The following TMED10 variants were observed in gnomAD, a reference collection of about 807,000 sequenced individuals.
TMED10 encodes transmembrane emp24 domain-containing protein 10.
A neutral mutation model predicts 23.1 loss-of-function variants in TMED10; 7 were observed. The ratio of observed to expected loss-of-function variants is 0.30; its 90% CI spans 0.17 to 0.57. TMED10 has a LOEUF of 0.57. Among genes scored for constraint, TMED10 ranks in the 20% least tolerant of loss-of-function variants. TMED10 has a pLI of 0.91. For synonymous variants in TMED10, 113 were observed against 106.9 expected (o/e 1.06, Z -0.35); for missense variants, 162 against 274.8 (o/e 0.59, Z 2.90).
intron 3 of TMED10, among the ~76,000 whole-genome samples, chr14:75,138,775 T>A (rs1433083505): frequency 6.6e-6 from 1 of 151,202 alleles, no homozygotes; most frequent in Non-Finnish European, 1.5e-5. Flanking sequence ...AAAAAAAAAA[T>A]TACTTTAAAG....
intron 1 of TMED10, among the ~76,000 whole-genome samples, chr14:75,154,609 A>C (rs917835478): frequency 6.6e-6 from 1 of 151,964 alleles, no homozygotes; most frequent in Non-Finnish European, 1.5e-5. Context: ...AGTATTAGTC[A>C]ACTGTCTTCT....
At chr14:75,156,804 C>T (rs1338655440) in intron 1 of TMED10, among the ~76,000 whole-genome samples, 6 of 151,918 alleles carry the variant, frequency 3.9e-5, no homozygotes, top group African/African-American at 1.5e-4. Flanking sequence ...TGATGCGTGC[C>T]TGTAGTCCCA....
In TMED10 at chr14:75,158,888, C is replaced by T. The variant is rs544850073; in HGVS notation, c.226-6745G>A. The stretch of plus-strand genomic sequence containing the variant: ...GTGGTGAGTCGCGATCGCACCATTG[C>T]GCTCTAGCCTGGGCAACAAGAGTGA... On this transcript the variant is annotated intron_variant, in intron 1 of 4. Coordinates refer to ENST00000303575, the MANE Select transcript of TMED10 (RefSeq NM_006827.6). 1.1e-4 allele frequency among the ~76,000 whole-genome samples: 16 copies of T among 152,154 alleles called. No homozygotes were observed. The South Asian group carries it at 1.7e-3, about 16-fold the overall frequency.
At position 75,131,595 on chromosome 14, in the gene TMED10, G is replaced by A. The variant is rs947809183; in HGVS notation, c.*3290C>T. 6.6e-5 allele frequency: 10 copies of A among 152,442 alleles called. No homozygotes were observed. The highest frequency in any genetic ancestry group is 2.4e-4 in the African/African-American group (10 of 41,388). The allele number at this position is 152,442 out of a possible 1,614,324, so 9.4% of individuals were successfully genotyped here. A position where few individuals can be genotyped will look rare whatever the true frequency, so the allele number is the denominator to read the frequency against. On this transcript the variant is annotated 3_prime_UTR_variant, in exon 5 of 5. Transcript: ENST00000303575. ...AACCAAGAAATGGCTTTATGACAGG[G>A]GTCCATGACAATGGTATAACAAGGC...
intron 3 of TMED10, among the ~76,000 whole-genome samples, chr14:75,145,769 C>T (rs141700841): frequency 0.04 from 6,122 of 152,054 alleles, 310 homozygotes; most frequent in African/African-American, 0.12. Flanking sequence ...CCTGGGCAAC[C>T]AAGCGAGACT....
In TMED10 at chr14:75,164,565, ATATATATATATATTTTTTTT is replaced by A. The variant is rs1896133537; in HGVS notation, c.225+11770_225+11789del. On this transcript the variant is annotated intron_variant, in intron 1 of 4. Coordinates refer to ENST00000303575, the MANE Select transcript of TMED10 (RefSeq NM_006827.6). ...TATATATATATATATATATATATAT[ATATATATATATATTTTTTTT>A]TTTTTTTTTGTATTTTTAGAAGAGG... Among the ~76,000 whole-genome samples, 7 of 2,334 alleles carry A rather than the reference ATATATATATATATTTTTTTT, an allele frequency of 3.0e-3. No individual in the cohort carries two copies. The South Asian group carries it at 0.11, about 38-fold the overall frequency. The allele number at this position is 2,334 out of a possible 152,430, so 1.5% of individuals were successfully genotyped here. A position where few individuals can be genotyped will look rare whatever the true frequency, so the allele number is the denominator to read the frequency against.
chr14:75,176,139 C>G lies in TMED10; in HGVS notation c.225+216G>C, dbSNP rs1057092102. 1.2e-5 allele frequency: 7 copies of G among 607,140 alleles called. No homozygotes were observed. In the African/African-American group the frequency reaches 1.3e-4, roughly 11 times the overall value. The allele number at this position is 607,140 out of a possible 1,614,324, so 37.6% of individuals were successfully genotyped here. ...TGTCACCACATCCGCCAAAGCCTCG[C>G]AGCCCTTCTTGGGGTTCCCAGGCGT... On this transcript the variant is annotated intron_variant, in intron 1 of 4. Transcript: ENST00000303575.
At chr14:75,165,953 T>C (rs747833078) in intron 1 of TMED10, among the ~76,000 whole-genome samples, 10 of 137,442 alleles carry the variant, frequency 7.3e-5, no homozygotes, top group Admixed American at 2.4e-4. Flanking sequence ...TAACTTAACA[T>C]AGGCAATACG....
At chr14:75,175,039 C>CAAAAAA (rs57423430) in intron 1 of TMED10, among the ~76,000 whole-genome samples, 3 of 87,060 alleles carry the variant, frequency 3.4e-5, no homozygotes, top group African/African-American at 8.8e-5. Flanking sequence ...GACTCCGTCT[C>CAAAAAA]AAAAAAAAAA....
At position 75,176,596 on chromosome 14, in the gene TMED10, T is replaced by C; in HGVS notation, c.-17A>G. On this transcript the variant is annotated 5_prime_UTR_variant, in exon 1 of 5. Transcript: ENST00000303575. ...ACCAGACATGGTGCTGGAGACTCGT[T>C]CACCACCGAAGGCCTCAACCGCGCC... 1 of 1,613,552 alleles carries C rather than the reference T, an allele frequency of 6.2e-7. No individual in the cohort carries two copies. Among genetic ancestry groups the C allele is most frequent in the Non-Finnish European group, 8.5e-7 (1 of 1,179,750 alleles).
chr14:75,159,978 T>G (rs1401310396), intron 1 of TMED10, among the ~76,000 whole-genome samples: 1 of 152,184 alleles, frequency 6.6e-6, no homozygotes, highest in African/African-American at 2.4e-5. Flanking sequence ...GAAATTTACC[T>G]CCCAGAAATA....
intron 1 of TMED10, among the ~76,000 whole-genome samples, chr14:75,164,801 GA>G: frequency 6.7e-6 from 1 of 148,984 alleles, no homozygotes; most frequent in South Asian, 2.1e-4. Context: ...TAAATCCAGG[GA>G]TGATTAGGGC....
intron 2 of TMED10, among the ~76,000 whole-genome samples, chr14:75,151,447 A>G (rs1380965488): frequency 1.3e-5 from 2 of 151,462 alleles, no homozygotes; most frequent in Non-Finnish European, 2.9e-5. Flanking sequence ...TCAAACTCCT[A>G]ACCTTCAGTG....
intron 1 of TMED10, among the ~76,000 whole-genome samples, chr14:75,163,980 A>T (rs1165389672): frequency 6.6e-6 from 1 of 152,182 alleles, no homozygotes; most frequent in Non-Finnish European, 1.5e-5. Context: ...TTTGTCACAT[A>T]GCAGGCATTC....
At chr14:75,163,410 G>A (rs998153202) in intron 1 of TMED10, among the ~76,000 whole-genome samples, 6 of 151,622 alleles carry the variant, frequency 4.0e-5, no homozygotes, top group African/African-American at 7.3e-5. Context: ...AAAACTAGCC[G>A]GGCATGGTGG....
chr14:75,150,400 G>A (rs374816630), intron 2 of TMED10, among the ~76,000 whole-genome samples: 56 of 152,308 alleles, frequency 3.7e-4, no homozygotes, highest in African/African-American at 1.3e-3. Context: ...TGGTCCAAAT[G>A]ATCAGGATAT....
chr14:75,175,981 G>T, intron 1 of TMED10: 1 of 291,362 alleles, frequency 3.4e-6, no homozygotes, highest in Non-Finnish European at 6.6e-6. Flanking sequence ...TTTCCTGCAG[G>T]TATCGCGGTA....
At position 75,171,058 on chromosome 14, in the gene TMED10, T is replaced by C. The variant is rs143932131; in HGVS notation, c.225+5297A>G. Among the ~76,000 whole-genome samples, 62 of 152,260 alleles carry C rather than the reference T, an allele frequency of 4.1e-4. No individual in the cohort carries two copies. The East Asian group carries it at 0.01, about 25-fold the overall frequency. ...TTATCTTACATGGCAAAAGGGATTG[T>C]GCAGATGTGATTAAATCAGATTAAG... On this transcript the variant is annotated intron_variant, in intron 1 of 4. Coordinates refer to ENST00000303575, the MANE Select transcript of TMED10 (RefSeq NM_006827.6).
At chr14:75,174,443 A>G (rs1156270173) in intron 1 of TMED10, among the ~76,000 whole-genome samples, 4 of 152,184 alleles carry the variant, frequency 2.6e-5, no homozygotes, top group Non-Finnish European at 5.9e-5. Flanking sequence ...ACACGAGATG[A>G]GAGCAAGGTC....
Sources: gnomAD v4.1 joint callset for allele counts (sites outside exome capture counted in the v4.1 genomes callset) on GRCh38, gnomAD v4.1.1 for gene constraint, MANE v1.5 for transcripts, NCBI Gene and HGNC (gene_info 2026-07-23, HGNC 2026-07-21) for gene names.